ANKS1A: variants seen among roughly 807,000 people sequenced by gnomAD.
The protein encoded by ANKS1A is ankyrin repeat and sterile alpha motif domain containing 1A.
In ANKS1A, 55 loss-of-function variants were observed where a neutral mutation model predicts 120.3. The ratio of observed to expected loss-of-function variants is 0.46; its 90% CI spans 0.37 to 0.57. The LOEUF is 0.57. Among genes scored for constraint, ANKS1A ranks in the 20% least tolerant of loss-of-function variants. The pLI is 0.00. For missense variants in ANKS1A, 1,123 were observed against 1,480.3 expected, an observed-to-expected ratio of 0.76 and a Z score of 3.96; for synonymous variants, 590 against 604.7, an observed-to-expected ratio of 0.98 and a Z score of 0.36.
rs1263155243 is a variant in ANKS1A at position 34,912,634 on chromosome 6, TA to T, written c.197+23037del. Among the ~76,000 whole-genome samples, 3 of 152,310 alleles carry T rather than the reference TA, an allele frequency of 2.0e-5. No homozygotes were observed. The East Asian group carries it at 5.8e-4, about 29-fold the overall frequency. On this transcript the variant is annotated intron_variant, in intron 1 of 23. Transcript: ENST00000360359. Reference sequence around the variant, plus strand: ...TGAACATTTCTCACCTAACAGATAGTAAGGATTTCAATAGACATTTATTTGC... The same window carrying T: ...TGAACATTTCTCACCTAACAGATAGTAGGATTTCAATAGACATTTATTTGC...
At chr6:35,061,564 C>T (rs1776506528) in intron 13 of ANKS1A, among the ~76,000 whole-genome samples, 1 of 152,198 alleles carries the variant, frequency 6.6e-6, no homozygotes, top group Non-Finnish European at 1.5e-5. Context: ...TGGCCTGAGG[C>T]TTCCAGGAGG....
intron 13 of ANKS1A, among the ~76,000 whole-genome samples, chr6:35,064,361 C>T (rs1360058653): frequency 4.6e-5 from 7 of 152,172 alleles, no homozygotes; most frequent in South Asian, 2.1e-4. Context: ...GATGGGAGGC[C>T]GCCTGCTCCT....
chr6:35,078,923 C>G (rs1179041530), intron 14 of ANKS1A, among the ~76,000 whole-genome samples: 1 of 152,198 alleles, frequency 6.6e-6, no homozygotes, highest in Non-Finnish European at 1.5e-5. Flanking sequence ...GGGGGTCTGC[C>G]TGGCCCAGGA....
intron 1 of ANKS1A, among the ~76,000 whole-genome samples, chr6:34,930,992 T>C (rs892509312): frequency 6.6e-6 from 1 of 151,128 alleles, no homozygotes; most frequent in African/African-American, 2.4e-5. Context: ...TTCTCCCGCC[T>C]CAGCCTCCTG....
At chr6:34,911,912 T>C (rs771867031) in intron 1 of ANKS1A, among the ~76,000 whole-genome samples, 23 of 148,424 alleles carry the variant, frequency 1.5e-4, no homozygotes, top group Non-Finnish European at 3.0e-4. Context: ...GAAATCTCAT[T>C]GTAATAGTGC....
At chr6:35,004,975 T>A (rs1773378863) in intron 10 of ANKS1A, among the ~76,000 whole-genome samples, 1 of 152,238 alleles carries the variant, frequency 6.6e-6, no homozygotes, top group Non-Finnish European at 1.5e-5. Flanking sequence ...GCCTTGTCTA[T>A]AGAGCACAGA....
At chr6:34,908,793 T>C (rs1767763652) in intron 1 of ANKS1A, among the ~76,000 whole-genome samples, 1 of 151,988 alleles carries the variant, frequency 6.6e-6, no homozygotes, top group South Asian at 2.1e-4. Flanking sequence ...CAGGACAGAG[T>C]CACCGTTTTA....
intron 11 of ANKS1A, among the ~76,000 whole-genome samples, chr6:35,048,322 C>A (rs111354839): frequency 1.3e-5 from 2 of 152,126 alleles, no homozygotes; most frequent in African/African-American, 2.4e-5. Flanking sequence ...AAATGCCCCA[C>A]GGTAAGACAC....
chr6:35,028,307 T>A (rs1774730647), intron 11 of ANKS1A, among the ~76,000 whole-genome samples: 1 of 152,190 alleles, frequency 6.6e-6, no homozygotes, highest in Non-Finnish European at 1.5e-5. Context: ...TTGGGTGCAG[T>A]GGCAGAGGAC....
chr6:34,948,183 T>A (rs924779612), intron 1 of ANKS1A, among the ~76,000 whole-genome samples: 81 of 151,990 alleles, frequency 5.3e-4, no homozygotes, highest in African/African-American at 1.6e-3. Context: ...CAAAGTAATG[T>A]GCTTTGTTCA....
At chr6:34,924,089 T>TTGTGTG (rs745522816) in intron 1 of ANKS1A, among the ~76,000 whole-genome samples, 1 of 99,958 alleles carries the variant, frequency 1.0e-5, no homozygotes, top group Non-Finnish European at 2.0e-5. Context: ...GGGGGCTTTT[T>TTGTGTG]CGTGTGTGTG....
intron 11 of ANKS1A, among the ~76,000 whole-genome samples, chr6:35,025,095 C>T (rs568332748): frequency 5.3e-5 from 8 of 151,778 alleles, no homozygotes; most frequent in South Asian, 2.1e-4. Context: ...GATGAAACAC[C>T]CTTTATATTT....
rs1438124613 is a variant in ANKS1A, at chr6:34,989,089, A to T, written c.1210-135A>T. On this transcript the variant is annotated intron_variant, in intron 8 of 23. Coordinates refer to ENST00000360359, the MANE Select transcript of ANKS1A (RefSeq NM_015245.3). ...AGAGTTCTCCATCTGTTCAGAGACG[A>T]AACCTTGACTTTAGTCTCTCAGGGG... 85 of 671,438 alleles carry T rather than the reference A, an allele frequency of 1.3e-4. 1 individual carries two copies. The East Asian group carries it at 2.4e-3, about 19-fold the overall frequency. The allele number at this position is 671,438 out of a possible 1,614,324, so 41.6% of individuals were successfully genotyped here. A position where few individuals can be genotyped will look rare whatever the true frequency, so the allele number is the denominator to read the frequency against.
Position 35,085,832 on chromosome 6 carries a change from C to G in ANKS1A, c.3199C>G (p.Gln1067Glu), listed in dbSNP as rs780525834. ...CGAAGTGGCCTATCAGTTGGCCCTG[C>G]AGGCCCAGAAGTCCAGGGCGACGGG... is the stretch of plus-strand genomic sequence containing the variant. ...AFEVAYQLAL[Q>E]AQKSRATGAS... Residue 1067 changes from glutamine (Q) to glutamate (E), a missense_variant, in exon 22 of 24, where the codon CAG becomes GAG. Physicochemically the swap from Gln to Glu is conservative, Grantham distance 29. Coordinates refer to ENST00000360359, the MANE Select transcript of ANKS1A (RefSeq NM_015245.3). The surrounding 1 kb of genome is among the most constrained non-coding windows in gnomAD (Gnocchi z 4.7). 1 of 1,613,550 alleles carries G rather than the reference C, an allele frequency of 6.2e-7. No homozygotes were observed. Among genetic ancestry groups the G allele is most frequent in the South Asian group, 1.1e-5 (1 of 91,004 alleles).
intron 11 of ANKS1A, among the ~76,000 whole-genome samples, chr6:35,020,777 G>A (rs1356935501): frequency 6.6e-6 from 1 of 152,216 alleles, no homozygotes; most frequent in Non-Finnish European, 1.5e-5. Flanking sequence ...ATCGAGAGGA[G>A]TTTCATTTGC....
chr6:34,942,127 A>C (rs969064034), intron 1 of ANKS1A, among the ~76,000 whole-genome samples: 2 of 152,148 alleles, frequency 1.3e-5, no homozygotes, highest in Non-Finnish European at 2.9e-5. Flanking sequence ...TTGCTTTCAT[A>C]GTTTTTTGAG....
At chr6:35,056,843 G>T (rs1377993600) in intron 12 of ANKS1A, among the ~76,000 whole-genome samples, 1 of 152,114 alleles carries the variant, frequency 6.6e-6, no homozygotes, top group Non-Finnish European at 1.5e-5. Context: ...AGCGTGGAGA[G>T]GATGGGCTCA....
chr6:34,965,601 T>G (rs1443423396), intron 1 of ANKS1A, among the ~76,000 whole-genome samples: 3 of 152,196 alleles, frequency 2.0e-5, no homozygotes, highest in African/African-American at 7.2e-5. Flanking sequence ...TCCACTCGCC[T>G]TGGCCTCCCA....
downstream of ANKS1A, among the ~76,000 whole-genome samples, chr6:35,095,556 C>CAAAAAA (rs34931330): frequency 1.8e-5 from 1 of 55,300 alleles, no homozygotes; most frequent in African/African-American, 6.8e-5. Context: ...GACTGTGTCA[C>CAAAAAA]AAAAAAAAAA....
Sources: allele counts gnomAD v4.1 joint callset (sites outside exome capture counted in the v4.1 genomes callset), GRCh38; gene constraint gnomAD v4.1.1; non-coding constraint Gnocchi (gnomAD v3.1); transcripts MANE v1.5; gene names NCBI Gene and HGNC (gene_info 2026-07-23, HGNC 2026-07-21).